ZNF618: variants seen among roughly 807,000 people sequenced by gnomAD.
ZNF618 encodes the protein neural precursor cell expressed, developmentally down-regulated 10.
ZNF618 carries 34 observed loss-of-function variants against 103.0 expected under a neutral mutation model. The ratio of observed to expected loss-of-function variants is 0.33; its 90% confidence interval spans 0.25 to 0.44. The LOEUF (loss-of-function observed/expected upper bound fraction) is 0.44, where lower values mean the gene tolerates loss of function less well. Among genes scored for constraint, ZNF618 ranks in the 20% least tolerant of loss-of-function variants. The probability of loss-of-function intolerance (pLI) is 1.00; values close to 1 mark genes in which losing one functional copy is unlikely to be tolerated. For missense variants in ZNF618, 1,059 were observed against 1,295.4 expected, an observed-to-expected ratio of 0.82 and a Z score of 2.80; for synonymous variants, 551 against 542.2, an observed-to-expected ratio of 1.02 and a Z score of -0.23.
intron 1 of ZNF618, among the ~76,000 whole-genome samples, chr9:113,948,744 G>A (rs1295543820): frequency 6.6e-6 from 1 of 152,214 alleles, no homozygotes; most frequent in Non-Finnish European, 1.5e-5. Context: ...CCCTGATGTT[G>A]AAGCAGTGGG....
intron 1 of ZNF618, among the ~76,000 whole-genome samples, chr9:113,912,964 G>T (rs1239517192): frequency 6.6e-6 from 1 of 152,114 alleles, no homozygotes; most frequent in African/African-American, 2.4e-5. Context: ...GTCAGAGGCG[G>T]CTGTTACTCC....
chr9:113,892,997 A>G (rs541703027), intron 1 of ZNF618, among the ~76,000 whole-genome samples: 3 of 152,358 alleles, frequency 2.0e-5, no homozygotes, highest in Non-Finnish European at 4.4e-5. Context: ...AAACGTTAAC[A>G]TTAGAATCAT....
chr9:113,988,124 T>C (rs903382198), intron 2 of ZNF618, among the ~76,000 whole-genome samples, 197 bp from the exon 3 acceptor site: 4 of 152,208 alleles, frequency 2.6e-5, no homozygotes, highest in African/African-American at 9.6e-5. Context: ...GTTTTCAAAC[T>C]GTGTTCCTTG....
rs771448058 is a variant in ZNF618 at position 113,989,306 on chromosome 9, G to A, written c.337+726G>A. On this transcript the variant is annotated intron_variant, in intron 3 of 14. Transcript: ENST00000374126. ...CTGCTCAGCTGCTGCACTGACGGTTGCTGGGTGGGGATACGGCTCAGCGTT... is the reference window on the plus strand; with the variant it reads ...CTGCTCAGCTGCTGCACTGACGGTTACTGGGTGGGGATACGGCTCAGCGTT... 6.3e-4 allele frequency among the ~76,000 whole-genome samples: 96 copies of A among 152,286 alleles called. 2 individuals carry two copies. The highest frequency in any genetic ancestry group is 3.7e-3 in the South Asian group (18 of 4,830).
intron 1 of ZNF618, among the ~76,000 whole-genome samples, chr9:113,968,181 C>T (rs550891105): frequency 1.3e-5 from 2 of 152,222 alleles, no homozygotes; most frequent in African/African-American, 4.8e-5. Flanking sequence ...TGACGTTTAT[C>T]CTATGTAGGG....
intron 2 of ZNF618, among the ~76,000 whole-genome samples, chr9:113,976,637 G>T (rs570312811): frequency 3.9e-5 from 6 of 152,188 alleles, no homozygotes; most frequent in Admixed American, 1.3e-4. Flanking sequence ...CTGCAGTGTG[G>T]GTCTCCCGTC....
Position 113,920,098 on chromosome 9 carries a change from C to G in ZNF618, c.33+43685C>G, listed in dbSNP as rs1269520898. Among the ~76,000 whole-genome samples, 4 of 152,188 alleles carry G rather than the reference C, an allele frequency of 2.6e-5. No individual in the cohort carries two copies. In the East Asian group the frequency reaches 7.7e-4, roughly 29 times the overall value. On this transcript the variant is annotated intron_variant, in intron 1 of 14. Transcript: ENST00000374126. ...CTCCTGGGTCCAGAGTGGGGAATCA[C>G]TGTTGGAAGAGATCCCAGGTATCCC... is the stretch of plus-strand genomic sequence containing the variant.
chr9:113,914,858 A>G (rs1345488048), intron 1 of ZNF618, among the ~76,000 whole-genome samples: 2 of 152,156 alleles, frequency 1.3e-5, no homozygotes, highest in Non-Finnish European at 2.9e-5. Context: ...TGTAACAGTC[A>G]GTAGGAGCGA....
At chr9:113,972,571 A>G (rs991628404) in intron 2 of ZNF618, among the ~76,000 whole-genome samples, 1 of 152,012 alleles carries the variant, frequency 6.6e-6, no homozygotes, top group Admixed American at 6.6e-5. Flanking sequence ...GGATCAGTTA[A>G]CACGTGTTAC....
At chr9:113,975,249 T>C (rs1204887500) in intron 2 of ZNF618, among the ~76,000 whole-genome samples, 1 of 152,174 alleles carries the variant, frequency 6.6e-6, no homozygotes, top group Non-Finnish European at 1.5e-5. Context: ...CAGATAGTGA[T>C]TGGCATCCCT....
At position 114,026,865 on chromosome 9, in the gene ZNF618, C is replaced by T. The variant is rs201726775; in HGVS notation, c.845-1868C>T. ...AGGGTCATCCCAGTGTTGGTGGAGT[C>T]GAGGGGGGAAAACAAAGGCCGAGAG... On this transcript the variant is annotated intron_variant, in intron 10 of 14. Transcript: ENST00000374126. Among the ~76,000 whole-genome samples, 18 of 151,920 alleles carry T rather than the reference C, an allele frequency of 1.2e-4. No homozygotes were observed. In the East Asian group the frequency reaches 2.1e-3, roughly 18 times the overall value.
intron 1 of ZNF618, among the ~76,000 whole-genome samples, chr9:113,951,149 G>C (rs1374965491): frequency 1.3e-5 from 2 of 151,658 alleles, no homozygotes; most frequent in African/African-American, 4.8e-5. Flanking sequence ...GGTTTTTCAT[G>C]AATAACAACT....
Position 114,050,417 on chromosome 9 carries a change from A to T in ZNF618, c.*250A>T. On this transcript the variant is annotated 3_prime_UTR_variant, in exon 15 of 15. Coordinates refer to ENST00000374126, the MANE Select transcript of ZNF618 (RefSeq NM_001318042.2). The stretch of plus-strand genomic sequence containing the variant: ...TGGGGGGGTCTCTGTGCTCATCTCC[A>T]TGGCCAGAGAAACTTTGCACACACG... 2.6e-6 allele frequency: 1 copy of T among 391,388 alleles called. No individual in the cohort carries two copies. The highest frequency in any genetic ancestry group is 4.6e-6 in the Non-Finnish European group (1 of 219,584). The allele number at this position is 391,388 out of a possible 1,614,324, so 24.2% of individuals were successfully genotyped here.
chr9:114,019,077 C>T (rs909465326), intron 10 of ZNF618, among the ~76,000 whole-genome samples: 1 of 152,178 alleles, frequency 6.6e-6, no homozygotes, highest in Non-Finnish European at 1.5e-5. Flanking sequence ...GGAAGAATTT[C>T]TTAGAATTAG....
At chr9:113,936,427 T>C (rs374641494) in intron 1 of ZNF618, among the ~76,000 whole-genome samples, 5 of 152,368 alleles carry the variant, frequency 3.3e-5, no homozygotes, top group African/African-American at 1.2e-4. Flanking sequence ...AAAGAATGAA[T>C]GGGAATCTTC....
intron 12 of ZNF618, 129 bp downstream of exon 12, chr9:114,032,857 C>T: frequency 1.2e-6 from 1 of 815,956 alleles, no homozygotes; most frequent in South Asian, 1.5e-5. Flanking sequence ...TGGGAGGAGG[C>T]TGGGAGCAGG....
chr9:114,016,896 T>C, intron 10 of ZNF618, 112 bp downstream of exon 10: 1 of 795,808 alleles, frequency 1.3e-6, no homozygotes, highest in Non-Finnish European at 2.1e-6. Context: ...CAAGGTGAGC[T>C]CAGTTCTGGG....
intron 9 of ZNF618, among the ~76,000 whole-genome samples, chr9:114,011,101 C>T (rs1049116027): frequency 2.0e-5 from 3 of 152,206 alleles, no homozygotes; most frequent in East Asian, 1.9e-4. Flanking sequence ...TAGAGCCAAC[C>T]GAAATAGGAC....
At chr9:113,981,689 G>T (rs1366090826) in intron 2 of ZNF618, among the ~76,000 whole-genome samples, 1 of 152,236 alleles carries the variant, frequency 6.6e-6, no homozygotes, top group African/African-American at 2.4e-5. Flanking sequence ...AGATCCACTG[G>T]TAAGTTACTT....
Sources: gnomAD v4.1 joint callset for allele counts (sites outside exome capture counted in the v4.1 genomes callset) on GRCh38, gnomAD v4.1.1 for gene constraint, MANE v1.5 for transcripts, NCBI Gene and HGNC (gene_info 2026-07-23, HGNC 2026-07-21) for gene names.